UBN1: variants seen among roughly 807,000 people sequenced by gnomAD.
UBN1 encodes the protein ubinuclein 1.
In UBN1, 17 loss-of-function variants were observed where a neutral mutation model predicts 108.5. The ratio of observed to expected loss-of-function variants is 0.16; its 90% CI spans 0.11 to 0.24. UBN1 has a LOEUF of 0.24. Among genes scored for constraint, UBN1 ranks in the 10% least tolerant of loss-of-function variants. UBN1 has a pLI of 1.00. For missense variants in UBN1, 1,595 were observed against 1,394.4 expected, an observed-to-expected ratio of 1.14 and a Z score of -2.29; for synonymous variants, 726 against 564.2, an observed-to-expected ratio of 1.29 and a Z score of -4.07.
chr16:4,879,694 C>G (rs953736741), intron 17 of UBN1, among the ~76,000 whole-genome samples: 3 of 152,324 alleles, frequency 2.0e-5, no homozygotes, highest in Admixed American at 2.0e-4. Flanking sequence ...TTGAATTTGT[C>G]TTTACAGGAC....
intron 14 of UBN1, among the ~76,000 whole-genome samples, chr16:4,873,680 A>G (rs1400393289): frequency 1.3e-5 from 2 of 152,214 alleles, no homozygotes; most frequent in African/African-American, 4.8e-5. Flanking sequence ...ACAATGTCCC[A>G]GACACACTGT....
chr16:4,849,923 G>GC (rs2142096392), intron 1 of UBN1, among the ~76,000 whole-genome samples: 1 of 125,798 alleles, frequency 7.9e-6, no homozygotes, highest in East Asian at 2.3e-4. Context: ...TCCAGCCTGG[G>GC]CAACAGGAGT....
intron 7 of UBN1, among the ~76,000 whole-genome samples, chr16:4,863,621 C>A (rs2087173148): frequency 1.3e-5 from 2 of 152,094 alleles, no homozygotes; most frequent in Admixed American, 1.3e-4. Context: ...ATTTTCCCCC[C>A]CTTTTCCCTC....
At chr16:4,858,184 G>A in intron 3 of UBN1, 108 bp downstream of exon 3, 1 of 794,898 alleles carries the variant, frequency 1.3e-6, no homozygotes, top group Non-Finnish European at 2.1e-6. Flanking sequence ...CTGGAAGTAA[G>A]CCTTAAGCAT....
chr16:4,874,341 A>G lies in UBN1; in HGVS notation c.1931A>G (p.Gln644Arg). 1 of 1,614,154 alleles carries G rather than the reference A, an allele frequency of 6.2e-7. No homozygotes were observed. The highest frequency in any genetic ancestry group is 8.5e-7 in the Non-Finnish European group (1 of 1,180,032). Residue 644 changes from glutamine (Q) to arginine (R), a missense_variant, in exon 15 of 18, where the codon CAG becomes CGG. Gln to Arg is a conservative substitution (Grantham distance 43, BLOSUM62 1). Coordinates refer to ENST00000262376, the MANE Select transcript of UBN1 (RefSeq NM_001079514.3). ...GCCTCGAGCAGGGAGCTCCCATCCC[A>G]GGCATCGGGCGGCCTTGCTAACCCT... The part of the protein sequence containing the change: ...IGASSRELPS[Q>R]ASGGLANPPP...
At position 4,875,128 on chromosome 16, in the gene UBN1, C is replaced by G. The variant is rs1260189689; in HGVS notation, c.2718C>G (p.Ser906Arg). The change falls in exon 15 of 18, where the codon AGC (serine) becomes AGG (arginine). Residue 906 changes from serine to arginine, a missense_variant. Transcript: ENST00000262376. Reference protein sequence around the residue: ...GSSYKNNPFASSISKHGVSSG... With the variant: ...GSSYKNNPFARSISKHGVSSG... ...CTTACAAGAATAATCCCTTTGCCAG[C>G]TCAATCTCCAAACATGGGGTTTCTT... 1 of 1,614,120 alleles carries G rather than the reference C, an allele frequency of 6.2e-7. No homozygotes were observed. Among genetic ancestry groups the G allele is most frequent in the African/African-American group, 1.3e-5 (1 of 74,946 alleles).
chr16:4,852,612 G>T (rs535920515), intron 1 of UBN1: 37 of 218,150 alleles, frequency 1.7e-4, no homozygotes, highest in African/African-American at 7.6e-4. Flanking sequence ...GAGGTCTAAG[G>T]CTCTGTCAGC....
In UBN1 at chr16:4,874,302, G is replaced by A. The variant is rs765392941; in HGVS notation, c.1892G>A (p.Gly631Asp). ...IALPSDHQTG[G>D]LSIGASSREL... ...TTGCCCTCAGATCACCAAACAGGAGGCCTGAGTATTGGGGCCTCGAGCAGG... is the reference window on the plus strand; with the variant it reads ...TTGCCCTCAGATCACCAAACAGGAGACCTGAGTATTGGGGCCTCGAGCAGG... The change falls in exon 15 of 18, where the codon GGC (glycine) becomes GAC (aspartate). Residue 631 changes from glycine (G) to aspartate (D), a missense_variant. This residue lies in a region of UBN1 where 1,398 missense variants were observed against 1,194.7 expected (regional missense o/e 1.17). Coordinates refer to ENST00000262376, the MANE Select transcript of UBN1 (RefSeq NM_001079514.3). 1.2e-6 allele frequency: 2 copies of A among 1,614,126 alleles called. No homozygotes were observed.
chr16:4,876,346 A>G (rs1427735174), intron 15 of UBN1, among the ~76,000 whole-genome samples: 1 of 152,022 alleles, frequency 6.6e-6, no homozygotes, highest in East Asian at 1.9e-4. Flanking sequence ...TGCACCCACC[A>G]CCTCTGTAAG....
intron 15 of UBN1, 133 bp from the exon 16 acceptor site, chr16:4,876,738 A>G (rs1234199662): frequency 3.5e-6 from 5 of 1,415,974 alleles, no homozygotes; most frequent in African/African-American, 1.4e-5. Flanking sequence ...GGTGCCTCCC[A>G]GGGCCATCTG....
In UBN1 at chr16:4,871,378, G is replaced by T; in HGVS notation, c.1706+77G>T. 3 of 1,547,182 alleles carry T rather than the reference G, an allele frequency of 1.9e-6. No homozygotes were observed. In the East Asian group the frequency reaches 6.8e-5, roughly 35 times the overall value. ...CGCTGCTTTTGTGCCAGGCCAACAG[G>T]ATCCTTGCTCACAGGGAGTCACTGT... On this transcript the variant is annotated intron_variant, in intron 12 of 17. Transcript: ENST00000262376.
At position 4,866,964 on chromosome 16, in the gene UBN1, G is replaced by A. The variant is rs529522012; in HGVS notation, c.1111-1869G>A. 9.8e-5 allele frequency among the ~76,000 whole-genome samples: 15 copies of A among 152,320 alleles called. 1 individual carries two copies. Among genetic ancestry groups the A allele is most frequent in the African/African-American group, 3.4e-4 (14 of 41,564 alleles). On this transcript the variant is annotated intron_variant, in intron 7 of 17. Transcript: ENST00000262376. Reference sequence around the variant, plus strand: ...TTAAGGGGTTAAAGAGAGGCTCTTGGGGGGCATATAGGAAGCAGACTGGAG... The same window carrying A: ...TTAAGGGGTTAAAGAGAGGCTCTTGAGGGGCATATAGGAAGCAGACTGGAG...
chr16:4,848,439 C>G (rs977604723), intron 1 of UBN1: 2 of 152,356 alleles, frequency 1.3e-5, no homozygotes, highest in East Asian at 3.9e-4. Context: ...ATCACAGACT[C>G]CACAGTGTTA....
intron 2 of UBN1, among the ~76,000 whole-genome samples, chr16:4,856,518 G>C (rs954798026): frequency 5.3e-5 from 8 of 152,180 alleles, no homozygotes; most frequent in African/African-American, 1.7e-4. Flanking sequence ...TTGAGAGAAT[G>C]GTACCACCGC....
At chr16:4,848,628 A>G (rs1173798103) in intron 1 of UBN1, among the ~76,000 whole-genome samples, 3 of 152,194 alleles carry the variant, frequency 2.0e-5, no homozygotes, top group Non-Finnish European at 4.4e-5. Context: ...AGTTTCCCTG[A>G]AGTACCAAGA....
chr16:4,877,092 C>G lies in UBN1; in HGVS notation c.3246C>G (p.Phe1082Leu), dbSNP rs373273128. 10 of 1,611,592 alleles carry G rather than the reference C, an allele frequency of 6.2e-6. No homozygotes were observed. The highest frequency in any genetic ancestry group is 8.5e-6 in the Non-Finnish European group (10 of 1,178,880). Residue 1082 changes from phenylalanine (F) to leucine (L), a missense_variant, in exon 16 of 18, where the codon TTC becomes TTG. By Grantham distance (22) the Phe-to-Leu change is conservative. Transcript: ENST00000262376. The surrounding 1 kb of genome is among the most constrained non-coding windows in gnomAD (Gnocchi z 4.3). The stretch of plus-strand genomic sequence containing the variant: ...TCACAGGCCCTGCCCCCGGGTCCTT[C>G]CACCATGGCCTTGGCCACAGTAAGT... ...AIVTGPAPGSFHHGLGHSLLA... is the reference protein window; with the variant it reads ...AIVTGPAPGSLHHGLGHSLLA...
rs1472275507 is a variant in UBN1, at chr16:4,853,170, C to T, written c.249+4C>T. The T allele has an allele frequency of 1.7e-5, 27 of 1,613,948 alleles. No homozygotes were observed. Among genetic ancestry groups the T allele is most frequent in the Non-Finnish European group, 2.2e-5 (26 of 1,179,986 alleles). On this transcript the variant is annotated splice_donor_region_variant and intron_variant, in intron 2 of 17. Coordinates refer to ENST00000262376, the MANE Select transcript of UBN1 (RefSeq NM_001079514.3). Reference sequence around the variant, plus strand: ...AGGCCTTCAGCCTGGAGATAAGGTACACCCCTTTGTTCCCAGAGGCGCTGC... The same window carrying T: ...AGGCCTTCAGCCTGGAGATAAGGTATACCCCTTTGTTCCCAGAGGCGCTGC...
In UBN1 at chr16:4,874,482, C is replaced by G. The variant is rs1446690771; in HGVS notation, c.2072C>G (p.Ser691Cys). The G allele has an allele frequency of 3.1e-6, 5 of 1,614,088 alleles. No homozygotes were observed. The highest frequency in any genetic ancestry group is 1.3e-5 in the African/African-American group (1 of 74,936). ...TTGAATAGCAGAGCAGCTGGGAACT[C>G]TGAATTCACACTGCCTGCACCCTCA... ...AALNSRAAGN[S>C]EFTLPAPSKA... The change falls in exon 15 of 18, where the codon TCT (serine) becomes TGT (cysteine). Residue 691 changes from serine (S) to cysteine (C), a missense_variant. Physicochemically the swap from Ser to Cys is moderately radical, Grantham distance 112. This residue lies in a region of UBN1 where 1,398 missense variants were observed against 1,194.7 expected (regional missense o/e 1.17). Transcript: ENST00000262376.
chr16:4,855,487 A>G (rs1183657997), intron 2 of UBN1, among the ~76,000 whole-genome samples: 3 of 151,554 alleles, frequency 2.0e-5, no homozygotes, highest in Admixed American at 1.3e-4. Flanking sequence ...ATGATGGTGC[A>G]TGCCTGAAGT....
Sources: gnomAD v4.1 joint callset for allele counts (sites outside exome capture counted in the v4.1 genomes callset) on GRCh38, gnomAD v4.1.1 for gene constraint, gnomAD v4.1.1 regional missense constraint, Gnocchi (gnomAD v3.1) non-coding constraint, MANE v1.5 for transcripts, NCBI Gene and HGNC (gene_info 2026-07-23, HGNC 2026-07-21) for gene names.